WDR59: variants seen among roughly 807,000 people sequenced by gnomAD.
WDR59 encodes the protein WD repeat domain 59.
Under a neutral mutation model 131.2 loss-of-function variants are expected in WDR59, and 100 were observed. That is an observed-to-expected ratio of 0.76 (90% confidence interval 0.65 to 0.90). The LOEUF (loss-of-function observed/expected upper bound fraction) is 0.90. Among genes scored for constraint, WDR59 ranks in the 40% least tolerant of loss-of-function variants. The pLI is 0.00. For missense variants in WDR59, 1,203 were observed against 1,262.2 expected (o/e 0.95, Z 0.71); for synonymous variants, 601 against 466.2 (o/e 1.29, Z -3.72).
At chr16:74,924,814 T>A (rs1429753833) in intron 8 of WDR59, among the ~76,000 whole-genome samples, 1 of 152,160 alleles carries the variant, frequency 6.6e-6, no homozygotes, top group Non-Finnish European at 1.5e-5. Context: ...AGAGATGGGA[T>A]CTTGCCATGT....
At chr16:74,927,096 T>C (rs138738955) in intron 8 of WDR59, among the ~76,000 whole-genome samples, 5 of 152,256 alleles carry the variant, frequency 3.3e-5, no homozygotes, top group African/African-American at 1.2e-4. Context: ...GTTCTTCCAT[T>C]GAGTACGTGG....
At chr16:74,895,438 T>C (rs1965255395) in intron 18 of WDR59, among the ~76,000 whole-genome samples, 1 of 152,124 alleles carries the variant, frequency 6.6e-6, no homozygotes. Context: ...AATTTTTGTA[T>C]TTTTAGTAGA....
At chr16:74,967,993 T>C (rs1179814195) in intron 1 of WDR59, among the ~76,000 whole-genome samples, 6 of 152,110 alleles carry the variant, frequency 3.9e-5, no homozygotes, top group African/African-American at 7.2e-5. Flanking sequence ...TTCTGATACA[T>C]GCTACAACAT....
rs185926588 is a variant in WDR59 at position 74,915,042 on chromosome 16, C to T, written c.1224+828G>A. Among the ~76,000 whole-genome samples the T allele has an allele frequency of 3.6e-3, 555 of 152,338 alleles. 1 individual carries two copies. The highest frequency in any genetic ancestry group is 6.0e-3 in the South Asian group (29 of 4,826). On this transcript the variant is annotated intron_variant, in intron 13 of 25. Transcript: ENST00000262144. ...TCAATACTTGCCCCCAAAAAAGTAA[C>T]TGTTCCACAGGCTAAGCAAACAAAG... is the stretch of plus-strand genomic sequence containing the variant.
intron 18 of WDR59, among the ~76,000 whole-genome samples, chr16:74,895,626 C>T (rs1965263272): frequency 6.6e-6 from 1 of 152,190 alleles, no homozygotes; most frequent in Non-Finnish European, 1.5e-5. Flanking sequence ...AGTCATTATT[C>T]TGCAATACAA....
Position 74,956,607 on chromosome 16 carries a change from G to C in WDR59, c.108C>G (p.Arg36=). 6.2e-7 allele frequency: 1 copy of C among 1,613,856 alleles called. No individual in the cohort carries two copies. Among genetic ancestry groups the C allele is most frequent in the East Asian group, 2.2e-5 (1 of 44,888 alleles). ...CTAGATTGACGATGTATAAGAATCT[G>C]CGGCTAGAGACCAACATCAACATTA... is the stretch of plus-strand genomic sequence containing the variant. ...CLGQHAVLSG[R]RFLYIVNLDA... is the part of the protein sequence containing the mutation. Residue 36 remains arginine (R), a synonymous_variant, in exon 3 of 26, where the codon CGC becomes CGG. Transcript: ENST00000262144.
rs1965675465 is a variant in WDR59, at chr16:74,903,881, CAGG to C, written c.1866+63_1866+65del. 2.6e-6 allele frequency: 4 copies of C among 1,535,044 alleles called. No homozygotes were observed. The Admixed American group carries it at 8.1e-5, about 31-fold the overall frequency. On this transcript the variant is annotated intron_variant, in intron 18 of 25. Transcript: ENST00000262144. Reference sequence around the variant, plus strand: ...TTACTAATCTAGCTGCTGCGCCAGGCAGGAGATGAGGAACAAGAATCCAGGAGA... The same window carrying C: ...TTACTAATCTAGCTGCTGCGCCAGGCAGATGAGGAACAAGAATCCAGGAGA...
At chr16:74,881,355 T>A (rs1023487826) in intron 25 of WDR59, among the ~76,000 whole-genome samples, 1 of 151,976 alleles carries the variant, frequency 6.6e-6, no homozygotes, top group African/African-American at 2.4e-5. Context: ...GGGTATTTTT[T>A]TTCTTTAATT....
intron 17 of WDR59, among the ~76,000 whole-genome samples, chr16:74,907,296 G>A (rs1965863329): frequency 1.3e-5 from 2 of 152,118 alleles, no homozygotes. Context: ...ATCTCATCTT[G>A]AATTGTAATC....
At chr16:74,945,992 T>C (rs1421998338) in intron 6 of WDR59, among the ~76,000 whole-genome samples, 1 of 152,106 alleles carries the variant, frequency 6.6e-6, no homozygotes, top group East Asian at 1.9e-4. Context: ...TAATTTTGTA[T>C]TTTTAGTAGA....
At chr16:74,899,174 T>C (rs567545428) in intron 18 of WDR59, among the ~76,000 whole-genome samples, 1 of 152,148 alleles carries the variant, frequency 6.6e-6, no homozygotes, top group African/African-American at 2.4e-5. Context: ...ACACAAAATA[T>C]TGATGGTAAG....
chr16:74,946,172 A>T (rs921128911), intron 6 of WDR59, among the ~76,000 whole-genome samples: 1 of 152,140 alleles, frequency 6.6e-6, no homozygotes, highest in Non-Finnish European at 1.5e-5. Flanking sequence ...TATTATTATT[A>T]GTTGTTGCTG....
chr16:74,894,504 T>C, intron 18 of WDR59, among the ~76,000 whole-genome samples: 1 of 152,164 alleles, frequency 6.6e-6, no homozygotes, highest in East Asian at 1.9e-4. Context: ...AAATGAGAGA[T>C]GTCCTGAAAA....
chr16:74,962,891 G>C (rs1480545423), intron 2 of WDR59: 1 of 151,644 alleles, frequency 6.6e-6, no homozygotes, highest in Non-Finnish European at 1.5e-5. Flanking sequence ...GAAAGACCTA[G>C]AGGCAGAAAT....
intron 17 of WDR59, among the ~76,000 whole-genome samples, chr16:74,908,252 AC>A (rs1358229612): frequency 2.0e-5 from 3 of 152,090 alleles, no homozygotes; most frequent in Admixed American, 6.6e-5. Context: ...CCCTATCTCT[AC>A]AAAAAATTAT....
intron 1 of WDR59, chr16:74,984,665 T>C (rs935332149): frequency 2.8e-5 from 11 of 388,240 alleles, no homozygotes; most frequent in South Asian, 1.9e-4. Flanking sequence ...CGTACCCTGA[T>C]TGTGGGAAGC....
At position 74,880,169 on chromosome 16, in the gene WDR59, C is replaced by T. The variant is rs150561792; in HGVS notation, c.2689+5484G>A. Among the ~76,000 whole-genome samples the T allele has an allele frequency of 2.6e-3, 388 of 151,858 alleles. 2 individuals carry two copies. Among genetic ancestry groups the T allele is most frequent in the African/African-American group, 7.5e-3 (309 of 41,406 alleles). ...TCATTTAAATTAGGTATGATACGGC[C>T]GGGTGCAGTGGCTCACGCCTGTAAT... On this transcript the variant is annotated intron_variant, in intron 25 of 25. Coordinates refer to ENST00000262144, the MANE Select transcript of WDR59 (RefSeq NM_030581.4).
Position 74,887,357 on chromosome 16 carries a change from C to T in WDR59, c.2419+326G>A, listed in dbSNP as rs559613732. Among the ~76,000 whole-genome samples, 8 of 151,978 alleles carry T rather than the reference C, an allele frequency of 5.3e-5. No homozygotes were observed. In the East Asian group the frequency reaches 9.7e-4, roughly 18 times the overall value. On this transcript the variant is annotated intron_variant, in intron 23 of 25. Coordinates refer to ENST00000262144, the MANE Select transcript of WDR59 (RefSeq NM_030581.4). Reference sequence around the variant, plus strand: ...CTACACTGAAAGCATTCATGGGAAGCGGTAGGTGGCAGATGAACATGGAAA... The same window carrying T: ...CTACACTGAAAGCATTCATGGGAAGTGGTAGGTGGCAGATGAACATGGAAA...
At chr16:74,909,027 G>A (rs747738991) in intron 16 of WDR59, 50 bp from the exon 17 acceptor site, 2 of 1,532,550 alleles carry the variant, frequency 1.3e-6, no homozygotes, top group Non-Finnish European at 1.8e-6. Flanking sequence ...AGCTGGCCGT[G>A]GGAAATCCTG....
Sources: allele counts gnomAD v4.1 joint callset (sites outside exome capture counted in the v4.1 genomes callset), GRCh38; gene constraint gnomAD v4.1.1; transcripts MANE v1.5; gene names NCBI Gene and HGNC (gene_info 2026-07-23, HGNC 2026-07-21).